The following PDCD10 variants were observed in gnomAD, a reference collection of about 807,000 sequenced individuals.
PDCD10 encodes the protein programmed cell death 10, also known as programmed cell death protein 10.
PDCD10 carries 4 observed loss-of-function variants against 29.2 expected under a neutral mutation model. The observed-to-expected ratio is 0.14, with a 90% CI of 0.07 to 0.31. PDCD10 has a LOEUF of 0.31. PDCD10 is among the 10% of genes least tolerant of loss of function. PDCD10 has a pLI of 1.00. For missense variants in PDCD10, 183 were observed against 257.9 expected, an observed-to-expected ratio of 0.71 and a Z score of 1.99; for synonymous variants, 70 against 82.2, an observed-to-expected ratio of 0.85 and a Z score of 0.80.
chr3:167,683,768 T>C lies in PDCD10; in HGVS notation c.*540A>G, dbSNP rs1719287580. 1 of 150,910 alleles carries C rather than the reference T, an allele frequency of 6.6e-6. No individual in the cohort carries two copies. Among genetic ancestry groups the C allele is most frequent in the Non-Finnish European group, 1.5e-5 (1 of 67,668 alleles). The allele number at this position is 150,910 out of a possible 1,614,324, so 9.3% of individuals were successfully genotyped here. On this transcript the variant is annotated 3_prime_UTR_variant, in exon 9 of 9. Coordinates refer to ENST00000392750, the MANE Select transcript of PDCD10 (RefSeq NM_007217.4). ...AAAAATAGAAATTCTTGCTTTATTA[T>C]TTGATAAACTGCTGATAAGCTCCCA...
Position 167,690,000 on chromosome 3 carries a change from G to A in PDCD10, c.396-2307C>T, listed in dbSNP as rs186941124. 1.7e-3 allele frequency among the ~76,000 whole-genome samples: 254 copies of A among 152,230 alleles called. 1 individual carries two copies. The highest frequency in any genetic ancestry group is 0.014 in the Middle Eastern group (4 of 294). On this transcript the variant is annotated intron_variant, in intron 6 of 8. Transcript: ENST00000392750. Reference sequence around the variant, plus strand: ...ACCAGAGAGTTTGTTTCCTACGAGAGAAAATACCAGGACAAAAAAACCACT... The same window carrying A: ...ACCAGAGAGTTTGTTTCCTACGAGAAAAAATACCAGGACAAAAAAACCACT...
chr3:167,695,380 T>C lies in PDCD10; in HGVS notation c.395+216A>G, dbSNP rs3804610. 0.29 allele frequency among the ~76,000 whole-genome samples: 43,672 copies of C among 151,852 alleles called. 6,918 individuals carry two copies. Among genetic ancestry groups the C allele is most frequent in the African/African-American group, 0.43 (17,783 of 41,178 alleles). On this transcript the variant is annotated intron_variant, in intron 6 of 8. Transcript: ENST00000392750. ...GTAGTTCAAACTACATTCCAGTTTA[T>C]GCACATTTCATTGTTGTTTTAAAAT...
intron 2 of PDCD10, among the ~76,000 whole-genome samples, chr3:167,732,061 G>T (rs993542709): frequency 4.6e-5 from 7 of 152,132 alleles, no homozygotes; most frequent in Non-Finnish European, 8.8e-5. Context: ...TAAATTTTTA[G>T]TGTTAAACAG....
chr3:167,704,853 C>A lies in PDCD10; in HGVS notation c.139G>T (p.Ala47Ser). 1 of 1,603,876 alleles carries A rather than the reference C, an allele frequency of 6.2e-7. No individual in the cohort carries two copies. Among genetic ancestry groups the A allele is most frequent in the South Asian group, 1.1e-5 (1 of 90,856 alleles). The change falls in exon 4 of 9, where the codon GCT (alanine) becomes TCT (serine). Residue 47 changes from alanine (A) to serine (S), a missense_variant. Coordinates refer to ENST00000392750, the MANE Select transcript of PDCD10 (RefSeq NM_007217.4). ...TATTTGCACCTCACCTTGATGAAAG[C>A]GGCTCTCAGTGTCTGGGCTGCAGAC... The part of the protein sequence containing the change: ...NLSAAQTLRA[A>S]FIKAEKENPG...
intron 8 of PDCD10, among the ~76,000 whole-genome samples, chr3:167,686,122 T>C (rs542616096): frequency 5.9e-5 from 9 of 152,212 alleles, no homozygotes; most frequent in Non-Finnish European, 1.2e-4. Context: ...TTTCTGACTT[T>C]AAGCACTGTT....
intron 4 of PDCD10, among the ~76,000 whole-genome samples, chr3:167,700,811 G>C (rs1465788728): frequency 6.6e-6 from 1 of 152,168 alleles, no homozygotes; most frequent in Admixed American, 6.5e-5. Flanking sequence ...TGATGACCAA[G>C]AGGCAGCAAA....
intron 2 of PDCD10, among the ~76,000 whole-genome samples, chr3:167,730,139 A>T (rs1389362462): frequency 1.3e-5 from 2 of 152,138 alleles, no homozygotes; most frequent in African/African-American, 4.8e-5. Flanking sequence ...GAACCATCAA[A>T]CCACAGTGTT....
At chr3:167,689,676 G>A (rs961832168) in intron 6 of PDCD10, among the ~76,000 whole-genome samples, 3 of 151,948 alleles carry the variant, frequency 2.0e-5, no homozygotes, top group African/African-American at 7.3e-5. Context: ...AAAGGGGGTG[G>A]GGGGAGGCGC....
chr3:167,699,389 G>A lies in PDCD10; in HGVS notation c.151-2263C>T, dbSNP rs74368357. Among the ~76,000 whole-genome samples the A allele has an allele frequency of 7.9e-3, 1,208 of 152,192 alleles. 91 individuals are homozygous for A. The East Asian group carries it at 0.17, about 22-fold the overall frequency. ...CACCTTCACAATTTTAAAATACTTC[G>A]TGGCACCCCTCTGAATTTGCTATGG... On this transcript the variant is annotated intron_variant, in intron 4 of 8. Transcript: ENST00000392750.
At chr3:167,728,188 C>T (rs1171524303) in intron 2 of PDCD10, among the ~76,000 whole-genome samples, 1 of 150,590 alleles carries the variant, frequency 6.6e-6, no homozygotes, top group African/African-American at 2.5e-5. Flanking sequence ...TGCATAAATA[C>T]CGATTTTAAT....
chr3:167,733,961 T>C (rs892582059), intron 2 of PDCD10, among the ~76,000 whole-genome samples: 5 of 152,202 alleles, frequency 3.3e-5, no homozygotes, highest in Non-Finnish European at 7.4e-5. Context: ...TCACTCCGGT[T>C]CAAGAAACAA....
rs1719663596 is a variant in PDCD10 at position 167,686,711 on chromosome 3, A to C, written c.557+523T>G. 2.6e-5 allele frequency among the ~76,000 whole-genome samples: 4 copies of C among 152,200 alleles called. No homozygotes were observed. In the South Asian group the frequency reaches 6.2e-4, roughly 24 times the overall value. Reference sequence around the variant, plus strand: ...TCGAGCAATTTGCAATTTGACTGTAACAAGTCCTCCAGATGACTCTGATGC... The same window carrying C: ...TCGAGCAATTTGCAATTTGACTGTACCAAGTCCTCCAGATGACTCTGATGC... On this transcript the variant is annotated intron_variant, in intron 8 of 8. Coordinates refer to ENST00000392750, the MANE Select transcript of PDCD10 (RefSeq NM_007217.4).
At position 167,697,105 on chromosome 3, in the gene PDCD10, G is replaced by T; in HGVS notation, c.172C>A (p.Leu58Ile). Residue 58 changes from leucine to isoleucine, a missense_variant, in exon 5 of 9, where the codon CTC becomes ATC. Transcript: ENST00000392750. ...ATTTTCATAATGATGTCTTGTGTGA[G>T]ACCTGGATTTTCTTTTTCAGCCTAT... Reference protein sequence around the residue: ...FIKAEKENPGLTQDIIMKILE... With the variant: ...FIKAEKENPGITQDIIMKILE... 6.2e-7 allele frequency: 1 copy of T among 1,601,544 alleles called. No individual in the cohort carries two copies. The highest frequency in any genetic ancestry group is 1.1e-5 in the South Asian group (1 of 90,822).
intron 4 of PDCD10, chr3:167,697,866 T>A (rs1376824352): frequency 2.9e-5 from 13 of 454,174 alleles, no homozygotes; most frequent in South Asian, 7.8e-5. Flanking sequence ...CCAGAGTTAA[T>A]CTTCAGATTT....
At position 167,683,759 on chromosome 3, in the gene PDCD10, G is replaced by A. The variant is rs943263486; in HGVS notation, c.*549C>T. The A allele has an allele frequency of 6.7e-6, 1 of 150,158 alleles. No individual in the cohort carries two copies. Among genetic ancestry groups the A allele is most frequent in the Non-Finnish European group, 1.5e-5 (1 of 67,500 alleles). The allele number at this position is 150,158 out of a possible 1,614,324, so 9.3% of individuals were successfully genotyped here. ...ATTAAGGACAAAAATAGAAATTCTT[G>A]CTTTATTATTTGATAAACTGCTGAT... On this transcript the variant is annotated 3_prime_UTR_variant, in exon 9 of 9. Coordinates refer to ENST00000392750, the MANE Select transcript of PDCD10 (RefSeq NM_007217.4).
intron 8 of PDCD10, among the ~76,000 whole-genome samples, chr3:167,686,132 TA>T (rs559702215): frequency 6.6e-6 from 1 of 152,156 alleles, no homozygotes; most frequent in Non-Finnish European, 1.5e-5. Flanking sequence ...TAAGCACTGT[TA>T]AAAAATAATC....
intron 6 of PDCD10, among the ~76,000 whole-genome samples, chr3:167,691,730 C>T (rs1720262518): frequency 6.6e-6 from 1 of 152,184 alleles, no homozygotes; most frequent in African/African-American, 2.4e-5. Flanking sequence ...TTTCAAATGG[C>T]AGAAACTCTA....
chr3:167,714,578 ATAAAT>A (rs1389645936), intron 3 of PDCD10, among the ~76,000 whole-genome samples: 4 of 152,046 alleles, frequency 2.6e-5, no homozygotes, highest in African/African-American at 4.8e-5. Flanking sequence ...ATTAGAACAG[ATAAAT>A]TAAGTAAAGT....
chr3:167,721,241 T>TA (rs1723527648), intron 2 of PDCD10, among the ~76,000 whole-genome samples: 1 of 152,166 alleles, frequency 6.6e-6, no homozygotes, highest in South Asian at 2.1e-4. Context: ...TAACTTGCTT[T>TA]AAAAAACTGC....
Sources: gnomAD v4.1 joint callset for allele counts (sites outside exome capture counted in the v4.1 genomes callset) on GRCh38, gnomAD v4.1.1 for gene constraint, MANE v1.5 for transcripts, NCBI Gene and HGNC (gene_info 2026-07-23, HGNC 2026-07-21) for gene names.